The following ELMOD3 variants were observed in gnomAD, a reference collection of about 807,000 sequenced individuals.
The protein encoded by ELMOD3 is ELMO domain-containing protein 3.
In ELMOD3, 36 loss-of-function variants were observed where a neutral mutation model predicts 47.4. The ratio of observed to expected loss-of-function variants is 0.76; its 90% CI spans 0.58 to 1.00. The LOEUF (loss-of-function observed/expected upper bound fraction) is 1.00. Among genes scored for constraint, ELMOD3 ranks in the 50% least tolerant of loss-of-function variants. The probability of loss-of-function intolerance (pLI) is 0.00; values close to 1 mark genes in which losing one functional copy is unlikely to be tolerated. For missense variants in ELMOD3, 404 were observed against 463.8 expected (o/e 0.87, Z 1.18); for synonymous variants, 149 against 183.5 (o/e 0.81, Z 1.52).
intron 11 of ELMOD3, among the ~76,000 whole-genome samples, chr2:85,377,923 C>T (rs377275825): frequency 6.6e-6 from 1 of 152,218 alleles, no homozygotes; most frequent in African/African-American, 2.4e-5. Context: ...ACTTCACATT[C>T]GTATTTGTCT....
At chr2:85,383,673 C>T (rs1010481315) in intron 11 of ELMOD3, among the ~76,000 whole-genome samples, 1 of 152,136 alleles carries the variant, frequency 6.6e-6, no homozygotes, top group African/African-American at 2.4e-5. Context: ...GGAGGGTGTA[C>T]TCCCAGACCT....
At chr2:85,384,292 T>C (rs772244513) in intron 11 of ELMOD3, among the ~76,000 whole-genome samples, 6 of 151,362 alleles carry the variant, frequency 4.0e-5, no homozygotes, top group African/African-American at 9.8e-5. Flanking sequence ...AGCTGGCTCA[T>C]TGGGAAAATT....
chr2:85,361,803 C>T (rs1316162034), intron 4 of ELMOD3, among the ~76,000 whole-genome samples: 1 of 151,964 alleles, frequency 6.6e-6, no homozygotes, highest in African/African-American at 2.4e-5. Flanking sequence ...TGGTGGCAGG[C>T]GCCTGTAGTC....
intron 4 of ELMOD3, among the ~76,000 whole-genome samples, chr2:85,358,432 G>A (rs1366932183): frequency 6.6e-6 from 1 of 152,212 alleles, no homozygotes. Context: ...GTTGCCTTGA[G>A]TAGGTGGAAC....
intron 11 of ELMOD3, among the ~76,000 whole-genome samples, chr2:85,380,117 A>C (rs1357324309): frequency 6.6e-6 from 1 of 152,218 alleles, no homozygotes; most frequent in Non-Finnish European, 1.5e-5. Flanking sequence ...GTTGTGTCCT[A>C]TTAGCAGTGA....
At chr2:85,367,512 T>C (rs1251244314) in intron 6 of ELMOD3, 1 of 152,190 alleles carries the variant, frequency 6.6e-6, no homozygotes, top group Non-Finnish European at 1.5e-5. Flanking sequence ...CTACAAATGT[T>C]CCTCGAGTTA....
intron 5 of ELMOD3, 21 bp from the exon 6 acceptor site, chr2:85,363,076 A>T (rs185158687): frequency 6.5e-7 from 1 of 1,544,810 alleles, no homozygotes; most frequent in Non-Finnish European, 8.9e-7. Flanking sequence ...TCCTCAAGCT[A>T]AAGGTCAGCT....
intron 4 of ELMOD3, among the ~76,000 whole-genome samples, chr2:85,359,405 CTTTTTTTTT>C (rs765640567): frequency 2.8e-5 from 3 of 107,004 alleles, no homozygotes; most frequent in Admixed American, 1.0e-4. Context: ...TTACATGACT[CTTTTTTTTT>C]TTTTTTTTTT....
Position 85,391,223 on chromosome 2 carries a change from G to T in ELMOD3, c.*261G>T, listed in dbSNP as rs1686333877. On this transcript the variant is annotated 3_prime_UTR_variant, in exon 14 of 14. Transcript: ENST00000409013. ...TTAATCTGTTGGGCTCCAGTCTCCGGGTTGAATTCCAGTGTATCCCACTGG... is the reference window on the plus strand; with the variant it reads ...TTAATCTGTTGGGCTCCAGTCTCCGTGTTGAATTCCAGTGTATCCCACTGG... The T allele has an allele frequency of 2.2e-6, 1 of 448,142 alleles. No homozygotes were observed. The highest frequency in any genetic ancestry group is 2.0e-5 in the African/African-American group (1 of 50,274). The allele number at this position is 448,142 out of a possible 1,614,324, so 27.8% of individuals were successfully genotyped here.
At chr2:85,384,989 A>G (rs1405651766) in intron 11 of ELMOD3, among the ~76,000 whole-genome samples, 1 of 152,208 alleles carries the variant, frequency 6.6e-6, no homozygotes, top group Non-Finnish European at 1.5e-5. Context: ...CTAGAAGGTA[A>G]TAAGTACTAA....
At chr2:85,378,942 G>A (rs1054566422) in intron 11 of ELMOD3, among the ~76,000 whole-genome samples, 4 of 152,122 alleles carry the variant, frequency 2.6e-5, no homozygotes, top group African/African-American at 7.2e-5. Context: ...GAGAAAATAC[G>A]GGGAGGAAGT....
chr2:85,376,327 C>T lies in ELMOD3; in HGVS notation c.608-1017C>T, dbSNP rs1268510159. On this transcript the variant is annotated intron_variant, in intron 10 of 13. Transcript: ENST00000409013. This position sits in a 1 kb window ranked among gnomAD's most constrained non-coding sequence, Gnocchi z 4.2. Reference sequence around the variant, plus strand: ...ATCTTACTTAAATCTTCTACTTTAGCAGGCCTCCCCTGTTACTGTGCCAGC... The same window carrying T: ...ATCTTACTTAAATCTTCTACTTTAGTAGGCCTCCCCTGTTACTGTGCCAGC... Among the ~76,000 whole-genome samples the T allele has an allele frequency of 1.3e-5, 2 of 152,178 alleles. No individual in the cohort carries two copies. Among genetic ancestry groups the T allele is most frequent in the African/African-American group, 2.4e-5 (1 of 41,440 alleles).
At chr2:85,363,037 T>G in intron 5 of ELMOD3, 60 bp from the exon 6 acceptor site, 1 of 1,052,226 alleles carries the variant, frequency 9.5e-7, no homozygotes, top group Non-Finnish European at 1.5e-6. Context: ...GTGGGAAGCG[T>G]TTGTGTATAT....
rs142256137 is a variant in ELMOD3, at chr2:85,391,139, G to A, written c.*177G>A. The A allele has an allele frequency of 3.2e-6, 2 of 631,306 alleles. No homozygotes were observed. The highest frequency in any genetic ancestry group is 5.5e-6 in the Non-Finnish European group (2 of 361,582). 39.1% of individuals were successfully genotyped at this position (631,306 alleles called of 1,614,324 possible). A position where few individuals can be genotyped will look rare whatever the true frequency, so the allele number is the denominator to read the frequency against. On this transcript the variant is annotated 3_prime_UTR_variant, in exon 14 of 14. Transcript: ENST00000409013. Reference sequence around the variant, plus strand: ...ACCCTCACCGGCATGGGACATGAGGGGCAGCTAGACTTCACCCCCTTCCCG... The same window carrying A: ...ACCCTCACCGGCATGGGACATGAGGAGCAGCTAGACTTCACCCCCTTCCCG...
rs576006266 is a variant in ELMOD3, at chr2:85,382,576, C to T, written c.738+5102C>T. On this transcript the variant is annotated intron_variant, in intron 11 of 13. Coordinates refer to ENST00000409013, the MANE Select transcript of ELMOD3 (RefSeq NM_001135022.2). ...TGTCACACAGGCTGGAGTGCAGTGG[C>T]GCAATCTTGGCTCACTGCAACCTCC... Among the ~76,000 whole-genome samples the T allele has an allele frequency of 1.3e-3, 187 of 147,472 alleles. 1 individual carries two copies. Among genetic ancestry groups the T allele is most frequent in the Middle Eastern group, 7.1e-3 (2 of 282 alleles).
chr2:85,357,478 T>G, intron 4 of ELMOD3: 1 of 386,044 alleles, frequency 2.6e-6, no homozygotes, highest in East Asian at 4.5e-5. Context: ...GCTTGGGTAG[T>G]GGGGAGAATT....
Position 85,390,338 on chromosome 2 carries a change from C to T in ELMOD3, c.943+73C>T, listed in dbSNP as rs765890163. 8.7e-6 allele frequency: 14 copies of T among 1,614,114 alleles called. No homozygotes were observed. In the Admixed American group the frequency reaches 2.2e-4, roughly 25 times the overall value. On this transcript the variant is annotated intron_variant, in intron 13 of 13. Coordinates refer to ENST00000409013, the MANE Select transcript of ELMOD3 (RefSeq NM_001135022.2). ...AGGTCCAGAGAGCCCAAGGTGGTTG[C>T]TAGACTGGTTTTGGCTGCAGTTCTT...
chr2:85,366,052 G>A (rs1017909099), intron 6 of ELMOD3, among the ~76,000 whole-genome samples: 1 of 150,882 alleles, frequency 6.6e-6, no homozygotes, highest in Non-Finnish European at 1.5e-5. Flanking sequence ...TCCGCCTCCC[G>A]AGTTCAAGTG....
intron 7 of ELMOD3, 80 bp downstream of exon 7, chr2:85,368,834 G>A (rs1684586767): frequency 7.0e-7 from 1 of 1,430,932 alleles, no homozygotes; most frequent in East Asian, 2.3e-5. Flanking sequence ...AAATGTTTCT[G>A]TGAGTCTGGG....
Sources: gnomAD v4.1 joint callset for allele counts (sites outside exome capture counted in the v4.1 genomes callset) on GRCh38, gnomAD v4.1.1 for gene constraint, Gnocchi (gnomAD v3.1) non-coding constraint, MANE v1.5 for transcripts, NCBI Gene and HGNC (gene_info 2026-07-23, HGNC 2026-07-21) for gene names.